CACNA1C: variants seen among roughly 807,000 people sequenced by gnomAD.
CACNA1C encodes calcium voltage-gated channel subunit alpha1 C, also known as voltage-dependent L-type calcium channel subunit alpha-1C.
In CACNA1C, 30 loss-of-function variants were observed where a neutral mutation model predicts 229.0. The observed-to-expected ratio is 0.13, with a 90% CI of 0.10 to 0.18. The LOEUF is 0.18. Ranked by LOEUF, CACNA1C falls within the 10% of genes least tolerant of loss-of-function variation. CACNA1C has a pLI of 1.00. For missense variants in CACNA1C, 1,658 were observed against 2,845.0 expected (o/e 0.58, Z 9.49); for synonymous variants, 1,114 against 1,132.5 (o/e 0.98, Z 0.33).
At chr12:2,189,626 A>G (rs570923443) in intron 3 of CACNA1C, among the ~76,000 whole-genome samples, 2 of 152,290 alleles carry the variant, frequency 1.3e-5, no homozygotes, top group South Asian at 2.1e-4. Flanking sequence ...CTGGAAAACT[A>G]TCAGCGTGTG....
chr12:2,627,908 C>A (rs1482156163), intron 29 of CACNA1C, among the ~76,000 whole-genome samples: 1 of 152,210 alleles, frequency 6.6e-6, no homozygotes, highest in African/African-American at 2.4e-5. Flanking sequence ...TCAGAGTCAG[C>A]TTCCCCACAG....
intron 3 of CACNA1C, among the ~76,000 whole-genome samples, chr12:2,359,997 C>T (rs1282284589): frequency 3.3e-5 from 5 of 152,138 alleles, no homozygotes; most frequent in African/African-American, 9.7e-5. Context: ...GCTTCCCGAT[C>T]GCTTGTCCTC....
intron 3 of CACNA1C, among the ~76,000 whole-genome samples, chr12:2,318,622 G>A (rs1044360897): frequency 6.6e-6 from 1 of 152,250 alleles, no homozygotes; most frequent in African/African-American, 2.4e-5. Context: ...AATCAGAGGA[G>A]TCAGGCTGAG....
intron 3 of CACNA1C, among the ~76,000 whole-genome samples, chr12:2,405,513 C>A (rs1595416555): frequency 6.6e-6 from 1 of 152,246 alleles, no homozygotes; most frequent in East Asian, 1.9e-4. Flanking sequence ...GCTTTTCTTG[C>A]GTTTCTGTGG....
rs1380604173 is a variant in CACNA1C at position 2,467,488 on chromosome 12, G to A, written c.757+9782G>A. On this transcript the variant is annotated intron_variant, in intron 5 of 46. Transcript: ENST00000399655. This position sits in a 1 kb window ranked among gnomAD's most constrained non-coding sequence, Gnocchi z 4.6. Reference sequence around the variant, plus strand: ...CCAGGTCTCCCAGCCTCCCCAGAAGGGAGGAAGCCCCAGGACCCGCTCCCC... The same window carrying A: ...CCAGGTCTCCCAGCCTCCCCAGAAGAGAGGAAGCCCCAGGACCCGCTCCCC... Among the ~76,000 whole-genome samples, 3 of 152,116 alleles carry A rather than the reference G, an allele frequency of 2.0e-5. No homozygotes were observed. Among genetic ancestry groups the A allele is most frequent in the Non-Finnish European group, 2.9e-5 (2 of 67,994 alleles).
At chr12:2,427,716 G>A (rs2099045998) in intron 3 of CACNA1C, among the ~76,000 whole-genome samples, 1 of 152,096 alleles carries the variant, frequency 6.6e-6, no homozygotes, top group African/African-American at 2.4e-5. Flanking sequence ...CCGCCTCCCG[G>A]GTTGAAGTGA....
rs187584109 is a variant in CACNA1C at position 2,678,348 on chromosome 12, G to A, written c.5091+481G>A. 9.8e-4 allele frequency among the ~76,000 whole-genome samples: 149 copies of A among 152,312 alleles called. 1 individual carries two copies. Among genetic ancestry groups the A allele is most frequent in the Non-Finnish European group, 1.8e-4 (12 of 68,024 alleles). On this transcript the variant is annotated intron_variant, in intron 41 of 46. Coordinates refer to ENST00000399655, the MANE Select transcript of CACNA1C (RefSeq NM_000719.7). The surrounding 1 kb of genome is among the most constrained non-coding windows in gnomAD (Gnocchi z 4.1). Reference sequence around the variant, plus strand: ...CGGTGGCCCTTTGAGATGGAGCATAGCGTGTGTTCTCCAGGTCTCCAAGAC... The same window carrying A: ...CGGTGGCCCTTTGAGATGGAGCATAACGTGTGTTCTCCAGGTCTCCAAGAC...
At chr12:2,183,033 T>A (rs1342317408) in intron 3 of CACNA1C, among the ~76,000 whole-genome samples, 1 of 152,092 alleles carries the variant, frequency 6.6e-6, no homozygotes, top group East Asian at 1.9e-4. Context: ...TTTTAAAAAA[T>A]TATTATTTTT....
At position 2,677,743 on chromosome 12, in the gene CACNA1C, G is replaced by A. The variant is rs2096898275; in HGVS notation, c.4967G>A (p.Arg1656His). 2 of 1,613,202 alleles carry A rather than the reference G, an allele frequency of 1.2e-6. No individual in the cohort carries two copies. The highest frequency in any genetic ancestry group is 1.3e-5 in the African/African-American group (1 of 75,034). ...RNALSLQAGL[R>H]TLHDIGPEIR... is the part of the protein sequence containing the mutation. ...CCCCTTGGATTCCAGGCTGGCTTGC[G>A]CACACTGCATGACATCGGGCCTGAG... The change falls in exon 41 of 47, where the codon CGC (arginine) becomes CAC (histidine). Residue 1656 changes from arginine (R) to histidine (H), a missense_variant. Transcript: ENST00000399655. This position sits in a 1 kb window ranked among gnomAD's most constrained non-coding sequence, Gnocchi z 7.4.
chr12:2,559,780 G>A (rs1013288055), intron 11 of CACNA1C, among the ~76,000 whole-genome samples: 1 of 152,156 alleles, frequency 6.6e-6, no homozygotes, highest in African/African-American at 2.4e-5. Context: ...CCCTGTTCCT[G>A]TATAGCTAGT....
At chr12:2,535,701 GTC>G (rs1169355242) in intron 9 of CACNA1C, among the ~76,000 whole-genome samples, 2 of 60,930 alleles carry the variant, frequency 3.3e-5, no homozygotes, top group African/African-American at 1.8e-4. Flanking sequence ...GCAAGACCCT[GTC>G]TAAAAAAAAA....
rs1017113390 is a variant in CACNA1C, at chr12:2,285,882, A to C, written c.478-163094A>C. Among the ~76,000 whole-genome samples the C allele has an allele frequency of 2.0e-5, 3 of 152,228 alleles. No individual in the cohort carries two copies. Among genetic ancestry groups the C allele is most frequent in the African/African-American group, 7.2e-5 (3 of 41,450 alleles). On this transcript the variant is annotated intron_variant, in intron 3 of 46. Coordinates refer to ENST00000399655, the MANE Select transcript of CACNA1C (RefSeq NM_000719.7). This position sits in a 1 kb window ranked among gnomAD's most constrained non-coding sequence, Gnocchi z 4.2. ...GGATGGTAAAGTTCAGCCGTTTTCC[A>C]CTGAAGATAGGGATTCTTCAAACTG...
chr12:2,603,845 A>G (rs979418567), intron 22 of CACNA1C: 1 of 152,252 alleles, frequency 6.6e-6, no homozygotes, highest in African/African-American at 2.4e-5. Flanking sequence ...AGCCTATAGA[A>G]TGCAGACCCA....
chr12:2,301,595 G>A (rs2094564587), intron 3 of CACNA1C, among the ~76,000 whole-genome samples: 1 of 152,188 alleles, frequency 6.6e-6, no homozygotes, highest in Non-Finnish European at 1.5e-5. Context: ...TGCAGAAGAA[G>A]TCCTCTTTAG....
intron 18 of CACNA1C, among the ~76,000 whole-genome samples, chr12:2,592,748 T>G (rs1276979194): frequency 1.3e-5 from 2 of 149,704 alleles, no homozygotes; most frequent in Non-Finnish European, 1.5e-5. Flanking sequence ...GGGAAAGTGT[T>G]GGTTTCTAAT....
chr12:2,526,243 C>T (rs2099818330), intron 9 of CACNA1C, among the ~76,000 whole-genome samples: 1 of 152,190 alleles, frequency 6.6e-6, no homozygotes, highest in Admixed American at 6.5e-5. Context: ...GTCCTCATTC[C>T]CTGGGCTTAA....
intron 1 of CACNA1C, among the ~76,000 whole-genome samples, chr12:1,986,059 C>T (rs184405007): frequency 0.016 from 2,495 of 152,306 alleles, 41 homozygotes; most frequent in Non-Finnish European, 0.02. Flanking sequence ...GTGATCTGCC[C>T]GCCTTGGCCT....
At chr12:1,996,059 A>T (rs117559298) in intron 1 of CACNA1C, among the ~76,000 whole-genome samples, 4,162 of 152,240 alleles carry the variant, frequency 0.027, 92 homozygotes, top group Middle Eastern at 0.054. Context: ...TCATTTTTAA[A>T]ATTTCACCAT....
intron 13 of CACNA1C, among the ~76,000 whole-genome samples, chr12:2,572,455 CTCCTCCTCCTCT>C (rs1432181378): frequency 5.6e-5 from 3 of 54,006 alleles, no homozygotes; most frequent in African/African-American, 2.4e-4. Context: ...TCTCCTCTTC[CTCCTCCTCCTCT>C]TCCTCCTTCT....
Sources: allele counts gnomAD v4.1 joint callset (sites outside exome capture counted in the v4.1 genomes callset), GRCh38; gene constraint gnomAD v4.1.1; non-coding constraint Gnocchi (gnomAD v3.1); transcripts MANE v1.5; gene names NCBI Gene and HGNC (gene_info 2026-07-23, HGNC 2026-07-21).